The following CRACD variants were observed in gnomAD, a reference collection of about 807,000 sequenced individuals.
CRACD encodes the protein capping protein inhibiting regulator of actin dynamics.
CRACD carries 56 observed loss-of-function variants against 106.8 expected under a neutral mutation model. That is an observed-to-expected ratio of 0.52 (90% CI 0.42 to 0.66). The LOEUF (loss-of-function observed/expected upper bound fraction) is 0.66, where lower values mean the gene tolerates loss of function less well. Ranked by LOEUF, CRACD falls within the 30% of genes least tolerant of loss-of-function variation. The pLI is 0.00. For synonymous variants in CRACD, 754 were observed against 670.8 expected (o/e 1.12, Z -1.92); for missense variants, 1,730 against 1,623.2 (o/e 1.07, Z -1.13).
chr4:56,114,708 T>C (rs1444206370), intron 1 of CRACD, among the ~76,000 whole-genome samples: 1 of 152,038 alleles, frequency 6.6e-6, no homozygotes, highest in African/African-American at 2.4e-5. Context: ...TAAAGTAAAA[T>C]AGAAAAGACT....
chr4:56,267,785 C>T (rs1010637726), intron 2 of CRACD, among the ~76,000 whole-genome samples: 4 of 152,122 alleles, frequency 2.6e-5, no homozygotes, highest in Admixed American at 6.5e-5. Flanking sequence ...CAGGGTGATG[C>T]GTGTGTACTT....
At chr4:56,157,696 T>A (rs1735810480) in intron 1 of CRACD, among the ~76,000 whole-genome samples, 1 of 152,230 alleles carries the variant, frequency 6.6e-6, no homozygotes, top group Non-Finnish European at 1.5e-5. Flanking sequence ...TTACTGCATT[T>A]ATTACAGAAG....
At chr4:56,151,098 G>A (rs1735566229) in intron 1 of CRACD, among the ~76,000 whole-genome samples, 1 of 152,150 alleles carries the variant, frequency 6.6e-6, no homozygotes, top group Non-Finnish European at 1.5e-5. Context: ...CCGGGTTCCA[G>A]CAATTCTCCT....
At chr4:56,288,905 G>A (rs1320781127) in intron 3 of CRACD, among the ~76,000 whole-genome samples, 9 of 152,176 alleles carry the variant, frequency 5.9e-5, no homozygotes, top group African/African-American at 9.7e-5. Context: ...ATGTATAAAC[G>A]TGATATGTAC....
Position 56,183,311 on chromosome 4 carries a change from C to G in CRACD, c.-189+3881C>G, listed in dbSNP as rs151235535. ...AAAAAGAATTAGGGGATTTTGAAAG[C>G]CTTGAATATATTTTGGCTTTTCATT... is the stretch of plus-strand genomic sequence containing the variant. On this transcript the variant is annotated intron_variant, in intron 2 of 10. Coordinates refer to ENST00000682029, the MANE Select transcript of CRACD (RefSeq NM_001393381.1). Among the ~76,000 whole-genome samples, 301 of 128,764 alleles carry G rather than the reference C, an allele frequency of 2.3e-3. 1 individual carries two copies. Among genetic ancestry groups the G allele is most frequent in the African/African-American group, 8.5e-3 (287 of 33,964 alleles). The allele number at this position is 128,764 out of a possible 152,430, so 84.5% of individuals were successfully genotyped here. A position where few individuals can be genotyped will look rare whatever the true frequency, so the allele number is the denominator to read the frequency against.
At chr4:56,134,719 G>A (rs1734940894) in intron 1 of CRACD, among the ~76,000 whole-genome samples, 2 of 152,108 alleles carry the variant, frequency 1.3e-5, no homozygotes, top group Non-Finnish European at 2.9e-5. Context: ...AGGAATTTGG[G>A]GAGAAGAATA....
chr4:56,314,702 T>C lies in CRACD; in HGVS notation c.1200T>C (p.Asp400=), dbSNP rs1282946408. Residue 400 remains aspartate (D), a synonymous_variant, in exon 8 of 11, where the codon GAT becomes GAC. Transcript: ENST00000682029. This position sits in a 1 kb window ranked among gnomAD's most constrained non-coding sequence, Gnocchi z 4.4. ...GEGRRGAEEE[D]LGEEEEEGQA... is the part of the protein sequence containing the mutation. ...GCCGGCGGGGCGCGGAGGAGGAGGA[T>C]CTGGGGGAAGAGGAGGAGGAGGGCC... 1.3e-6 allele frequency: 2 copies of C among 1,554,108 alleles called. No homozygotes were observed. The highest frequency in any genetic ancestry group is 1.7e-6 in the Non-Finnish European group (2 of 1,150,122).
Position 56,314,629 on chromosome 4 carries a change from A to C in CRACD, c.1127A>C (p.Glu376Ala). 1 of 1,540,002 alleles carries C rather than the reference A, an allele frequency of 6.5e-7. No individual in the cohort carries two copies. The highest frequency in any genetic ancestry group is 8.8e-7 in the Non-Finnish European group (1 of 1,141,552). The change falls in exon 8 of 11, where the codon GAG becomes GCG. Residue 376 changes from glutamate to alanine, a missense_variant. Glu to Ala is a moderately radical substitution (Grantham distance 107, BLOSUM62 -1). This residue lies in a region of CRACD where 1,620 missense variants were observed against 1,481.6 expected (regional missense o/e 1.09). Transcript: ENST00000682029. The surrounding 1 kb of genome is among the most constrained non-coding windows in gnomAD (Gnocchi z 4.4). ...AEGWEELEQQ[E>A]AEVQGPPEAL... ...GGATGGGAAGAGCTGGAACAGCAGG[A>C]GGCGGAGGTGCAGGGGCCGCCCGAG...
At chr4:56,077,440 A>G (rs536687104) in intron 1 of CRACD, among the ~76,000 whole-genome samples, 1 of 152,296 alleles carries the variant, frequency 6.6e-6, no homozygotes, top group African/African-American at 2.4e-5. Flanking sequence ...CATTATGTAT[A>G]CGTGCACATT....
intron 2 of CRACD, among the ~76,000 whole-genome samples, chr4:56,211,147 C>T (rs1030561396): frequency 6.6e-6 from 1 of 152,154 alleles, no homozygotes; most frequent in South Asian, 2.1e-4. Flanking sequence ...TTTAAATGAC[C>T]TTTAGTAAGA....
intron 3 of CRACD, among the ~76,000 whole-genome samples, chr4:56,292,059 A>G (rs936475116): frequency 6.6e-6 from 1 of 152,224 alleles, no homozygotes; most frequent in African/African-American, 2.4e-5. Context: ...TTATATGGAC[A>G]GTGAAGGCCA....
At chr4:56,153,109 A>G (rs1735641936) in intron 1 of CRACD, among the ~76,000 whole-genome samples, 1 of 152,076 alleles carries the variant, frequency 6.6e-6, no homozygotes, top group African/African-American at 2.4e-5. Context: ...TGAAATCCCC[A>G]TCTCTGCTAA....
At chr4:56,231,987 T>C (rs1459879794) in intron 2 of CRACD, among the ~76,000 whole-genome samples, 2 of 152,318 alleles carry the variant, frequency 1.3e-5, no homozygotes, top group South Asian at 2.1e-4. Flanking sequence ...GTACAAAAAA[T>C]ATTAGTGAGT....
intron 5 of CRACD, chr4:56,309,038 G>A (rs1184859299): frequency 4.0e-6 from 2 of 506,186 alleles, no homozygotes; most frequent in Admixed American, 2.4e-5. Flanking sequence ...AAGTCAACCA[G>A]TATATAAATA....
In CRACD at chr4:56,071,622, G is replaced by A. The variant is rs151099792; in HGVS notation, c.-336+22323G>A. Among the ~76,000 whole-genome samples the A allele has an allele frequency of 8.8e-3, 1,328 of 151,670 alleles. 6 individuals carry two copies. The highest frequency in any genetic ancestry group is 0.012 in the Non-Finnish European group (846 of 67,952). On this transcript the variant is annotated intron_variant, in intron 1 of 10. Transcript: ENST00000682029. ...CTTCCCAGGTTCAAGCAATTCTCCT[G>A]CGTCAGCCTCCTGAGTAGCTGGTAT... is the stretch of plus-strand genomic sequence containing the variant.
At chr4:56,317,373 C>G (rs1328185540) in intron 8 of CRACD, among the ~76,000 whole-genome samples, 18 of 152,190 alleles carry the variant, frequency 1.2e-4, no homozygotes, top group Non-Finnish European at 1.5e-5. Context: ...ACTTCTCATT[C>G]TTTCAAATTT....
At chr4:56,060,344 T>C (rs1193115614) in intron 1 of CRACD, among the ~76,000 whole-genome samples, 1 of 126,332 alleles carries the variant, frequency 7.9e-6, no homozygotes, top group African/African-American at 3.8e-5. Flanking sequence ...TGGACTGCAA[T>C]GGACAAAGGT....
At chr4:56,115,975 C>T (rs1028171984) in intron 1 of CRACD, among the ~76,000 whole-genome samples, 1 of 152,160 alleles carries the variant, frequency 6.6e-6, no homozygotes, top group Non-Finnish European at 1.5e-5. Context: ...AAAAGATCAG[C>T]TCATTTGTCT....
At chr4:56,226,712 T>C (rs1739320688) in intron 2 of CRACD, among the ~76,000 whole-genome samples, 1 of 152,058 alleles carries the variant, frequency 6.6e-6, no homozygotes, top group South Asian at 2.1e-4. Context: ...CATGAATAGA[T>C]GAATGCCCTC....
Sources: gnomAD v4.1 joint callset for allele counts (sites outside exome capture counted in the v4.1 genomes callset) on GRCh38, gnomAD v4.1.1 for gene constraint, gnomAD v4.1.1 regional missense constraint, Gnocchi (gnomAD v3.1) non-coding constraint, MANE v1.5 for transcripts, NCBI Gene and HGNC (gene_info 2026-07-23, HGNC 2026-07-21) for gene names.